Variants in TMEM243 observed in about 807,000 individuals in gnomAD.
TMEM243 encodes MDR1 and mitochondrial taxol resistance associated.
A neutral mutation model predicts 15.0 loss-of-function variants in TMEM243; 20 were observed. The ratio of observed to expected loss-of-function variants is 1.33; its 90% CI spans 0.94 to 1.93. The LOEUF is 1.93. Ranked by LOEUF, TMEM243 falls within the 30% of genes most tolerant of loss-of-function variation. The pLI is 0.00. For synonymous variants in TMEM243, 72 were observed against 52.7 expected, an observed-to-expected ratio of 1.37 and a Z score of -1.59; for missense variants, 156 against 142.1, an observed-to-expected ratio of 1.10 and a Z score of -0.50.
At chr7:87,203,863 A>G (rs1406019314) in intron 1 of TMEM243, among the ~76,000 whole-genome samples, 1 of 152,192 alleles carries the variant, frequency 6.6e-6, no homozygotes, top group Non-Finnish European at 1.5e-5. Context: ...CCATAAAAAA[A>G]TCCCAAAGGC....
intron 1 of TMEM243, among the ~76,000 whole-genome samples, chr7:87,207,725 T>G (rs1338565427): frequency 6.6e-6 from 1 of 152,228 alleles, no homozygotes; most frequent in East Asian, 1.9e-4. Flanking sequence ...GTGTTACTTC[T>G]AAACTTTCTA....
upstream of TMEM243, among the ~76,000 whole-genome samples, chr7:87,219,918 A>G (rs1304620166): frequency 6.6e-6 from 1 of 151,534 alleles, no homozygotes. Context: ...CCCGGGAGAG[A>G]CTCCCACACG....
At chr7:87,199,148 A>C (rs1801603735) in intron 1 of TMEM243, 91 bp from the exon 2 acceptor site, 3 of 1,014,348 alleles carry the variant, frequency 3.0e-6, no homozygotes, top group Non-Finnish European at 4.3e-6. Context: ...GGTTTACTAT[A>C]AAGAAACCCA....
At chr7:87,201,807 C>T (rs1383056338) in intron 1 of TMEM243, among the ~76,000 whole-genome samples, 1 of 152,180 alleles carries the variant, frequency 6.6e-6, no homozygotes, top group East Asian at 1.9e-4. Context: ...TATTTTCACT[C>T]TAGTTCTACC....
chr7:87,201,390 G>A lies in TMEM243; in HGVS notation c.79-2333C>T, dbSNP rs1189493297. On this transcript the variant is annotated intron_variant, in intron 1 of 3. Transcript: ENST00000257637. Reference sequence around the variant, plus strand: ...TGAGACCAACTGAATCAGAATCTGCGTTTTAACAGGATCTGGTAATTTATG... The same window carrying A: ...TGAGACCAACTGAATCAGAATCTGCATTTTAACAGGATCTGGTAATTTATG... 2.6e-5 allele frequency among the ~76,000 whole-genome samples: 4 copies of A among 152,306 alleles called. No homozygotes were observed. The East Asian group carries it at 5.8e-4, about 22-fold the overall frequency.
At chr7:87,211,651 GAGA>G (rs949176783) in intron 1 of TMEM243, among the ~76,000 whole-genome samples, 3 of 152,198 alleles carry the variant, frequency 2.0e-5, no homozygotes, top group Non-Finnish European at 4.4e-5. Context: ...CAAAATGTGG[GAGA>G]AGGTTTATTT....
Position 87,199,052 on chromosome 7 carries a change from T to G in TMEM243, c.84A>C (p.Arg28=). ...AGCTGCCAACAACTAAATTGATGAT[T>G]CGATCCTGAAAGAGAAAAGAATTTT... The part of the protein sequence containing the change: ...PLFGETSAKD[R]IINLVVGSLT... Residue 28 remains arginine (R), a synonymous_variant, in exon 2 of 4, where the codon CGA becomes CGC. Coordinates refer to ENST00000257637, the MANE Select transcript of TMEM243 (RefSeq NM_024315.4). 6.2e-7 allele frequency: 1 copy of G among 1,605,948 alleles called. No individual in the cohort carries two copies. Among genetic ancestry groups the G allele is most frequent in the Non-Finnish European group, 8.5e-7 (1 of 1,177,316 alleles).
At chr7:87,211,828 G>A (rs11971394) in intron 1 of TMEM243, among the ~76,000 whole-genome samples, 5,689 of 152,290 alleles carry the variant, frequency 0.037, 128 homozygotes, top group East Asian at 0.065. Context: ...GAGACATTCT[G>A]TCTCACTGGC....
chr7:87,197,742 CTT>C, intron 3 of TMEM243, 197 bp downstream of exon 3: 1 of 307,032 alleles, frequency 3.3e-6, no homozygotes, highest in Non-Finnish European at 4.4e-6. Context: ...TGGAATTTCT[CTT>C]TGGGGTTACA....
At position 87,212,297 on chromosome 7, in the gene TMEM243, A is replaced by T. The variant is rs190106440; in HGVS notation, c.78+7129T>A. ...TGAGCTGGCTTCACACCCTGGCCCC[A>T]ATTTCTATGGCAGCTCCAATTTCAA... On this transcript the variant is annotated intron_variant, in intron 1 of 3. Coordinates refer to ENST00000257637, the MANE Select transcript of TMEM243 (RefSeq NM_024315.4). Among the ~76,000 whole-genome samples the T allele has an allele frequency of 3.3e-5, 5 of 152,298 alleles. No individual in the cohort carries two copies. In the East Asian group the frequency reaches 9.7e-4, roughly 29 times the overall value.
intron 1 of TMEM243, among the ~76,000 whole-genome samples, chr7:87,216,437 C>CA (rs1321750697): frequency 2.0e-5 from 3 of 152,160 alleles, no homozygotes; most frequent in Admixed American, 6.5e-5. Context: ...CAAAGTGAGA[C>CA]ACTGCCTCAA....
Position 87,197,235 on chromosome 7 carries a change from G to A in TMEM243, c.235-477C>T, listed in dbSNP as rs867213260. On this transcript the variant is annotated intron_variant, in intron 3 of 3. Coordinates refer to ENST00000257637, the MANE Select transcript of TMEM243 (RefSeq NM_024315.4). Reference sequence around the variant, plus strand: ...ATGGGCTAGTTCTTCTTCGGGTCATGGGAGTATATAGCAGGATCAGTGAAT... The same window carrying A: ...ATGGGCTAGTTCTTCTTCGGGTCATAGGAGTATATAGCAGGATCAGTGAAT... 1.7e-4 allele frequency among the ~76,000 whole-genome samples: 26 copies of A among 152,178 alleles called. 1 individual carries two copies. The highest frequency in any genetic ancestry group is 6.3e-4 in the African/African-American group (26 of 41,528).
intron 1 of TMEM243, among the ~76,000 whole-genome samples, chr7:87,212,387 A>G (rs1219488778): frequency 6.6e-6 from 1 of 152,176 alleles, no homozygotes; most frequent in Non-Finnish European, 1.5e-5. Flanking sequence ...TCAGCAACTC[A>G]GAAAATATGG....
intron 1 of TMEM243, among the ~76,000 whole-genome samples, chr7:87,208,913 A>G (rs1254520417): frequency 1.3e-5 from 2 of 152,290 alleles, no homozygotes; most frequent in East Asian, 1.9e-4. Flanking sequence ...GGCCCTGGCC[A>G]TATCCCTCTG....
At chr7:87,220,311 G>C (rs1803435672), upstream of TMEM243, 1 of 152,370 alleles carries the variant, frequency 6.6e-6, no homozygotes, top group Non-Finnish European at 1.5e-5. Flanking sequence ...CACAGCGAGA[G>C]GGAGAATCCC....
intron 1 of TMEM243, among the ~76,000 whole-genome samples, chr7:87,209,851 CGA>C (rs1261047220): frequency 2.2e-4 from 27 of 122,620 alleles, no homozygotes; most frequent in South Asian, 8.8e-4. Context: ...ACAGTGAGAG[CGA>C]GAGAGAGAGA....
At chr7:87,206,272 C>T (rs150426078) in intron 1 of TMEM243, among the ~76,000 whole-genome samples, 36 of 152,272 alleles carry the variant, frequency 2.4e-4, no homozygotes, top group Non-Finnish European at 1.5e-4. Context: ...TATCATCATC[C>T]TTCAGAACTC....
intron 1 of TMEM243, among the ~76,000 whole-genome samples, chr7:87,202,273 C>T (rs1386985927): frequency 6.6e-6 from 1 of 152,052 alleles, no homozygotes; most frequent in Non-Finnish European, 1.5e-5. Flanking sequence ...GAAGTCAAAA[C>T]CCTGAGGAAG....
intron 1 of TMEM243, among the ~76,000 whole-genome samples, chr7:87,204,678 T>G (rs2129226774): frequency 6.6e-6 from 1 of 152,362 alleles, no homozygotes; most frequent in East Asian, 1.9e-4. Flanking sequence ...CTTGGGTGGC[T>G]CTGCCCCTGT....
Sources: gnomAD v4.1 joint callset for allele counts (sites outside exome capture counted in the v4.1 genomes callset) on GRCh38, gnomAD v4.1.1 for gene constraint, MANE v1.5 for transcripts, NCBI Gene and HGNC (gene_info 2026-07-23, HGNC 2026-07-21) for gene names.